ZFHX3: variants seen among roughly 807,000 people sequenced by gnomAD.
The protein encoded by ZFHX3 is zinc finger homeobox protein 3.
A neutral mutation model predicts 279.1 loss-of-function variants in ZFHX3; 42 were observed. That is an observed-to-expected ratio of 0.15 (90% CI 0.12 to 0.19). The LOEUF is 0.19. Among genes scored for constraint, ZFHX3 ranks in the 10% least tolerant of loss-of-function variants. The pLI is 1.00. For missense variants in ZFHX3, 4,981 were observed against 4,754.0 expected (o/e 1.05, Z -1.40); for synonymous variants, 2,293 against 1,957.8 (o/e 1.17, Z -4.52).
At chr16:73,334,739 C>T (rs1238424969) in intron 3 of ZFHX3, among the ~76,000 whole-genome samples, 1 of 151,356 alleles carries the variant, frequency 6.6e-6, no homozygotes, top group Non-Finnish European at 1.5e-5. Flanking sequence ...CCTGTCCCCT[C>T]CTCCTCTCAG....
rs1555542115 is a variant in ZFHX3 at position 73,019,367 on chromosome 16, T to TGC, written c.-50+28383_-50+28384dup. ...GCGTGTGTGTGTGTGTGTGTGTGTG[T>TGC]GCGTGTGCGTGTGCGTGTCTGCACG... On this transcript the variant is annotated intron_variant, in intron 1 of 9. Transcript: ENST00000268489. 5.5e-3 allele frequency among the ~76,000 whole-genome samples: 795 copies of TGC among 143,518 alleles called. 6 individuals carry two copies. Among genetic ancestry groups the TGC allele is most frequent in the African/African-American group, 0.019 (740 of 39,190 alleles). 94.2% of individuals were successfully genotyped at this position (143,518 alleles called of 152,430 possible). A position where few individuals can be genotyped will look rare whatever the true frequency, so the allele number is the denominator to read the frequency against.
intron 2 of ZFHX3, among the ~76,000 whole-genome samples, chr16:73,613,524 G>A (rs1367323537): frequency 8.6e-5 from 13 of 151,990 alleles, no homozygotes. Context: ...ACAGGTGGAA[G>A]TTTCTAGAAG....
intron 5 of ZFHX3, among the ~76,000 whole-genome samples, chr16:73,197,895 A>C (rs1440969950): frequency 6.6e-6 from 1 of 151,104 alleles, no homozygotes; most frequent in Non-Finnish European, 1.5e-5. Flanking sequence ...GTAAAGAAAA[A>C]GAAGATAAGT....
intron 1 of ZFHX3, among the ~76,000 whole-genome samples, chr16:73,697,635 T>G (rs1054382389): frequency 2.6e-5 from 4 of 152,220 alleles, no homozygotes; most frequent in Non-Finnish European, 4.4e-5. Flanking sequence ...CTTAAAATTC[T>G]ACATTAAGTT....
At chr16:73,848,827 A>T (rs561594053) in intron 1 of ZFHX3, among the ~76,000 whole-genome samples, 1 of 152,284 alleles carries the variant, frequency 6.6e-6, no homozygotes, top group Non-Finnish European at 1.5e-5. Flanking sequence ...TTATGTTGAA[A>T]CAGCTTCTGT....
intron 1 of ZFHX3, among the ~76,000 whole-genome samples, chr16:73,882,832 CAA>C (rs1314745029): frequency 1.3e-5 from 2 of 152,004 alleles, no homozygotes; most frequent in African/African-American, 4.8e-5. Context: ...CATCCACTTT[CAA>C]AGACTTAAAT....
chr16:73,342,520 G>A (rs1443969529), intron 3 of ZFHX3, among the ~76,000 whole-genome samples: 3 of 152,310 alleles, frequency 2.0e-5, no homozygotes, highest in South Asian at 2.1e-4. Context: ...TCCAGGAGTC[G>A]ATGAGGAATG....
chr16:73,107,894 G>A (rs1233891873), intron 7 of ZFHX3, among the ~76,000 whole-genome samples: 1 of 152,176 alleles, frequency 6.6e-6, no homozygotes, highest in Non-Finnish European at 1.5e-5. Context: ...GGGCGCAGTG[G>A]CTCATGCCTG....
chr16:73,737,838 G>C (rs2053622230), intron 1 of ZFHX3, among the ~76,000 whole-genome samples: 1 of 152,162 alleles, frequency 6.6e-6, no homozygotes, highest in African/African-American at 2.4e-5. Flanking sequence ...CCCAGAGAGT[G>C]GGCAGGAGAA....
At chr16:73,052,338 AT>A (rs10713711), upstream of ZFHX3, among the ~76,000 whole-genome samples, 16,247 of 146,654 alleles carry the variant, frequency 0.11, 1,393 homozygotes, top group East Asian at 0.27. Context: ...GTTGGAGTTT[AT>A]TTTTTTTTTT....
At chr16:73,792,540 T>C (rs1959857866) in intron 1 of ZFHX3, among the ~76,000 whole-genome samples, 1 of 152,236 alleles carries the variant, frequency 6.6e-6, no homozygotes, top group South Asian at 2.1e-4. Context: ...GGGTTTACGC[T>C]CGCATTTGTC....
chr16:73,412,269 GTGAGCCATA>G lies in ZFHX3; in HGVS notation c.-1291+43725_-1291+43733del, dbSNP rs1212937961. Among the ~76,000 whole-genome samples, 3 of 149,816 alleles carry G rather than the reference GTGAGCCATA, an allele frequency of 2.0e-5. No individual in the cohort carries two copies. The Admixed American group carries it at 2.0e-4, about 10-fold the overall frequency. On this transcript the variant is annotated intron_variant, in intron 3 of 17. Coordinates refer to the ZFHX3 transcript ENST00000641206. ...CTGAGCCTGGGAGGTCAAGGCTACA[GTGAGCCATA>G]ATCACGCCACGGCACTCCACCCTGG... is the stretch of plus-strand genomic sequence containing the variant.
intron 1 of ZFHX3, among the ~76,000 whole-genome samples, chr16:73,838,762 CTGTGTG>C (rs34111835): frequency 0.034 from 4,981 of 147,852 alleles, 264 homozygotes; most frequent in African/African-American, 0.11. Context: ...GTGTGTGTGT[CTGTGTG>C]TGTGTGTGTG....
chr16:73,290,015 C>CCACACA (rs10564390), intron 4 of ZFHX3, among the ~76,000 whole-genome samples: 497 of 144,414 alleles, frequency 3.4e-3, no homozygotes, highest in African/African-American at 8.4e-3. Flanking sequence ...AGAGAAATAA[C>CCACACA]CACACACACA....
chr16:72,881,585 C>G (rs1233933068), intron 4 of ZFHX3, among the ~76,000 whole-genome samples: 1 of 152,190 alleles, frequency 6.6e-6, no homozygotes, highest in Non-Finnish European at 1.5e-5. Flanking sequence ...GAAATGGATT[C>G]TTTGGACATT....
At chr16:73,678,447 C>G (rs1451340185) in intron 2 of ZFHX3, among the ~76,000 whole-genome samples, 1 of 152,016 alleles carries the variant, frequency 6.6e-6, no homozygotes, top group Non-Finnish European at 1.5e-5. Flanking sequence ...AAATGATTTC[C>G]AATTTTGCTA....
chr16:73,500,773 G>A (rs2019225115), intron 2 of ZFHX3, among the ~76,000 whole-genome samples: 1 of 141,236 alleles, frequency 7.1e-6, no homozygotes, highest in African/African-American at 2.6e-5. Context: ...TGTGTTTTAA[G>A]CTGTGTTATT....
At position 73,352,474 on chromosome 16, in the gene ZFHX3, CTTTTTTTTTTTTTTTT is replaced by C. The variant is rs35974156; in HGVS notation, c.-1290-34154_-1290-34139del. On this transcript the variant is annotated intron_variant, in intron 3 of 17. Coordinates refer to the ZFHX3 transcript ENST00000641206. ...CTTTGGTTTCTCTCTCTCTCTCTCT[CTTTTTTTTTTTTTTTT>C]TTTTTTTTTTTGGAGACAGAGTCTG... Among the ~76,000 whole-genome samples the C allele has an allele frequency of 4.9e-4, 26 of 53,274 alleles. 1 individual carries two copies. In the East Asian group the frequency reaches 0.011, roughly 22 times the overall value. The allele number at this position is 53,274 out of a possible 152,430, so 34.9% of individuals were successfully genotyped here.
chr16:73,750,449 G>T (rs2053751592), intron 1 of ZFHX3, among the ~76,000 whole-genome samples: 1 of 152,190 alleles, frequency 6.6e-6, no homozygotes, highest in Admixed American at 6.5e-5. Flanking sequence ...CCTAACAGCA[G>T]TGGAAGACTG....
Sources: allele counts gnomAD v4.1 joint callset (sites outside exome capture counted in the v4.1 genomes callset), GRCh38; gene constraint gnomAD v4.1.1; transcripts MANE v1.5; gene names NCBI Gene and HGNC (gene_info 2026-07-23, HGNC 2026-07-21).